EIF4G3: variants seen among roughly 807,000 people sequenced by gnomAD.
EIF4G3 encodes eIF-4-gamma 3.
A neutral mutation model predicts 186.4 loss-of-function variants in EIF4G3; 34 were observed. The observed-to-expected ratio is 0.18, with a 90% confidence interval of 0.14 to 0.24. The LOEUF (loss-of-function observed/expected upper bound fraction) is 0.24. EIF4G3 is among the 10% of genes least tolerant of loss of function. The pLI is 1.00. For synonymous variants in EIF4G3, 673 were observed against 679.5 expected (o/e 0.99, Z 0.15); for missense variants, 1,536 against 1,948.5 (o/e 0.79, Z 3.99).
intron 19 of EIF4G3, 99 bp from the exon 20 acceptor site, chr1:20,879,619 T>G: frequency 1.5e-6 from 1 of 675,332 alleles, no homozygotes; most frequent in Non-Finnish European, 2.2e-6. Context: ...AAGTTCAACT[T>G]CTCAAATTAT....
rs184220514 is a variant in EIF4G3 at position 20,963,871 on chromosome 1, G to A, written c.714+5603C>T. Among the ~76,000 whole-genome samples, 1,264 of 149,322 alleles carry A rather than the reference G, an allele frequency of 8.5e-3. 14 individuals carry two copies. Among genetic ancestry groups the A allele is most frequent in the Non-Finnish European group, 0.015 (1,014 of 67,666 alleles). On this transcript the variant is annotated intron_variant, in intron 12 of 36. Transcript: ENST00000602326. ...CAGGAGGCAAAGGCTGCAGTGAGCCGAGATTGTGCCACCGCACTTGCACTC... is the reference window on the plus strand; with the variant it reads ...CAGGAGGCAAAGGCTGCAGTGAGCCAAGATTGTGCCACCGCACTTGCACTC...
intron 3 of EIF4G3, among the ~76,000 whole-genome samples, chr1:21,088,795 G>A (rs559816617): frequency 1.4e-4 from 21 of 152,134 alleles, no homozygotes; most frequent in Non-Finnish European, 2.9e-4. Context: ...AACCCAGGAG[G>A]CGGAGGTTGC....
At chr1:21,023,638 C>A (rs970188339) in intron 4 of EIF4G3, among the ~76,000 whole-genome samples, 1 of 152,040 alleles carries the variant, frequency 6.6e-6, no homozygotes, top group South Asian at 2.1e-4. Flanking sequence ...TCTGCCTTGG[C>A]CTCCCAAAGT....
intron 31 of EIF4G3, 52 bp from the exon 32 acceptor site, chr1:20,827,750 T>A: frequency 7.7e-7 from 1 of 1,294,130 alleles, no homozygotes; most frequent in Non-Finnish European, 1.1e-6. Context: ...TCCTTTCTTC[T>A]AGAACAAGAG....
intron 20 of EIF4G3, among the ~76,000 whole-genome samples, chr1:20,865,581 TAG>T (rs1234828602): frequency 6.6e-6 from 1 of 150,660 alleles, no homozygotes; most frequent in Non-Finnish European, 1.5e-5. Flanking sequence ...AAAAACTGTG[TAG>T]AGTTATTACT....
intron 17 of EIF4G3, 22 bp from the exon 18 acceptor site, chr1:20,893,658 A>G (rs2086872692): frequency 6.6e-7 from 1 of 1,516,680 alleles, no homozygotes; most frequent in Admixed American, 1.9e-5. Context: ...AGCAAAAGAA[A>G]GCTTAATACA....
chr1:20,818,775 C>T (rs2061626465), intron 33 of EIF4G3, among the ~76,000 whole-genome samples: 1 of 152,124 alleles, frequency 6.6e-6, no homozygotes, highest in African/African-American at 2.4e-5. Flanking sequence ...TTAAGGATTA[C>T]TCACATAAGG....
chr1:20,946,667 G>T (rs1046923259), intron 13 of EIF4G3, among the ~76,000 whole-genome samples: 1 of 152,102 alleles, frequency 6.6e-6, no homozygotes, highest in African/African-American at 2.4e-5. Context: ...TCACAACCAC[G>T]ATTGTTGGGG....
chr1:20,867,525 G>A (rs1165694327), intron 20 of EIF4G3, among the ~76,000 whole-genome samples: 2 of 152,156 alleles, frequency 1.3e-5, no homozygotes, highest in Non-Finnish European at 1.5e-5. Context: ...AAAATGGGGT[G>A]AGGTATTATA....
At position 20,806,581 on chromosome 1, in the gene EIF4G3, T is replaced by A. The variant is rs928647366; in HGVS notation, c.*738A>T. 1.3e-5 allele frequency: 2 copies of A among 152,630 alleles called. No individual in the cohort carries two copies. Among genetic ancestry groups the A allele is most frequent in the Non-Finnish European group, 2.9e-5 (2 of 68,030 alleles). The allele number at this position is 152,630 out of a possible 1,614,324, so 9.5% of individuals were successfully genotyped here. On this transcript the variant is annotated 3_prime_UTR_variant, in exon 37 of 37. Coordinates refer to ENST00000602326, the MANE Select transcript of EIF4G3 (RefSeq NM_001391906.1). ...TTTTTGTTTTTTTAAATATTTGTTC[T>A]ATGTATTTACAAGCCTTAAAGTTGC...
intron 4 of EIF4G3, among the ~76,000 whole-genome samples, chr1:21,016,686 G>A (rs888804198): frequency 6.6e-6 from 1 of 150,902 alleles, no homozygotes; most frequent in Non-Finnish European, 1.5e-5. Flanking sequence ...GGACGGGCAC[G>A]GTGGCTCATG....
At chr1:21,002,524 A>T (rs1428667692) in intron 5 of EIF4G3, among the ~76,000 whole-genome samples, 189 bp downstream of exon 5, 1 of 152,204 alleles carries the variant, frequency 6.6e-6, no homozygotes, top group African/African-American at 2.4e-5. Context: ...TTCTCAATAA[A>T]TTTAATTATT....
intron 3 of EIF4G3, among the ~76,000 whole-genome samples, chr1:21,072,467 T>G (rs1295257433): frequency 3.9e-5 from 6 of 152,138 alleles, no homozygotes; most frequent in Non-Finnish European, 7.4e-5. Context: ...GCAGTGGTGC[T>G]ATCTCGGCTC....
intron 2 of EIF4G3, among the ~76,000 whole-genome samples, chr1:21,159,094 A>T (rs1431725699): frequency 6.6e-6 from 1 of 152,218 alleles, no homozygotes; most frequent in Non-Finnish European, 1.5e-5. Flanking sequence ...ACAAGAATTA[A>T]GAACACGATT....
chr1:21,019,881 T>TCAAAA (rs898734115), intron 4 of EIF4G3, among the ~76,000 whole-genome samples: 17 of 152,082 alleles, frequency 1.1e-4, no homozygotes, highest in African/African-American at 1.4e-4. Flanking sequence ...AGACGCCGTC[T>TCAAAA]CAAAACAAAA....
At chr1:21,061,141 G>A (rs2094892617) in intron 3 of EIF4G3, among the ~76,000 whole-genome samples, 1 of 152,004 alleles carries the variant, frequency 6.6e-6, no homozygotes, top group African/African-American at 2.4e-5. Flanking sequence ...AAGATTAGGT[G>A]GGAAGAAGGG....
intron 2 of EIF4G3, among the ~76,000 whole-genome samples, chr1:21,104,669 T>C (rs2096584074): frequency 6.6e-6 from 1 of 152,206 alleles, no homozygotes; most frequent in Non-Finnish European, 1.5e-5. Context: ...TTTACCAATT[T>C]CTCAAAGAAC....
intron 4 of EIF4G3, among the ~76,000 whole-genome samples, chr1:21,048,232 G>C (rs1196979383): frequency 2.6e-5 from 4 of 152,092 alleles, no homozygotes. Context: ...AACTGCTTGG[G>C]TCAAATCACA....
intron 4 of EIF4G3, among the ~76,000 whole-genome samples, chr1:21,037,978 T>C (rs1253243681): frequency 1.3e-5 from 2 of 152,142 alleles, no homozygotes; most frequent in Admixed American, 1.3e-4. Context: ...CATCAGGTGA[T>C]TCTAAGTGGG....
Sources: gnomAD v4.1 joint callset for allele counts (sites outside exome capture counted in the v4.1 genomes callset) on GRCh38, gnomAD v4.1.1 for gene constraint, MANE v1.5 for transcripts, NCBI Gene and HGNC (gene_info 2026-07-23, HGNC 2026-07-21) for gene names.